Variants in MACROD2 observed in about 807,000 individuals in gnomAD.
MACROD2 encodes the protein mono-ADP ribosylhydrolase 2, also known as ADP-ribose glycohydrolase MACROD2.
MACROD2 carries 36 observed loss-of-function variants against 70.4 expected under a neutral mutation model. That is an observed-to-expected ratio of 0.51 (90% CI 0.39 to 0.68). The LOEUF (loss-of-function observed/expected upper bound fraction) is 0.68, where lower values mean the gene tolerates loss of function less well. MACROD2 is among the 30% of genes least tolerant of loss of function. MACROD2 has a pLI of 0.00. For missense variants in MACROD2, 496 were observed against 538.4 expected, an observed-to-expected ratio of 0.92 and a Z score of 0.78; for synonymous variants, 172 against 178.8, an observed-to-expected ratio of 0.96 and a Z score of 0.30.
chr20:14,867,688 C>T (rs2073443413), intron 5 of MACROD2, among the ~76,000 whole-genome samples: 1 of 152,104 alleles, frequency 6.6e-6, no homozygotes, highest in Non-Finnish European at 1.5e-5. Context: ...TTTTGGTTGT[C>T]TCCAAGTCCC....
At chr20:14,086,864 A>G (rs925853485) in intron 3 of MACROD2, among the ~76,000 whole-genome samples, 1 of 152,186 alleles carries the variant, frequency 6.6e-6, no homozygotes, top group Non-Finnish European at 1.5e-5. Context: ...ACAAAAGGGT[A>G]GGGGTAATTT....
intron 12 of MACROD2, among the ~76,000 whole-genome samples, chr20:15,963,096 T>C (rs2066086845): frequency 6.6e-6 from 1 of 152,204 alleles, no homozygotes; most frequent in Admixed American, 6.6e-5. Context: ...CCAGAGATTC[T>C]ATAGAGCAGG....
At chr20:14,268,892 C>T (rs964254046) in intron 3 of MACROD2, among the ~76,000 whole-genome samples, 1 of 152,144 alleles carries the variant, frequency 6.6e-6, no homozygotes, top group African/African-American at 2.4e-5. Context: ...GTTCCCATAG[C>T]AGCCTTTACC....
At chr20:14,147,012 T>A (rs1292643761) in intron 3 of MACROD2, among the ~76,000 whole-genome samples, 1 of 152,026 alleles carries the variant, frequency 6.6e-6, no homozygotes, top group African/African-American at 2.4e-5. Flanking sequence ...GGTGAGAGTA[T>A]CTCCAGTCAG....
intron 6 of MACROD2, among the ~76,000 whole-genome samples, chr20:15,286,702 G>T (rs1426879241): frequency 1.3e-5 from 2 of 152,146 alleles, no homozygotes; most frequent in Non-Finnish European, 2.9e-5. Context: ...TTTATTTCTA[G>T]CCAAGAAGAC....
At chr20:14,799,279 AT>A (rs2072546245) in intron 5 of MACROD2, among the ~76,000 whole-genome samples, 1 of 152,062 alleles carries the variant, frequency 6.6e-6, no homozygotes, top group East Asian at 1.9e-4. Flanking sequence ...GCCCTTACTT[AT>A]TAACATTTTA....
At chr20:14,981,551 G>A (rs893519230) in intron 5 of MACROD2, among the ~76,000 whole-genome samples, 7 of 151,928 alleles carry the variant, frequency 4.6e-5, no homozygotes, top group Non-Finnish European at 7.4e-5. Flanking sequence ...TGTTGTGGGA[G>A]AGACCCAGTG....
chr20:15,118,312 C>T lies in MACROD2; in HGVS notation c.419-111628C>T, dbSNP rs187476776. ...GGTTGAAGCGACTCTCCTTCCTCAG[C>T]CTCCTGAGTAGCTAGGACTACAGGC... On this transcript the variant is annotated intron_variant, in intron 5 of 17. Coordinates refer to ENST00000684519, the MANE Select transcript of MACROD2 (RefSeq NM_001351661.2). Among the ~76,000 whole-genome samples the T allele has an allele frequency of 4.6e-5, 7 of 151,894 alleles. No individual in the cohort carries two copies. The East Asian group carries it at 9.7e-4, about 21-fold the overall frequency.
At chr20:15,280,599 G>A (rs2077435241) in intron 6 of MACROD2, among the ~76,000 whole-genome samples, 2 of 152,146 alleles carry the variant, frequency 1.3e-5, no homozygotes, top group Admixed American at 1.3e-4. Context: ...GTACCAGCTG[G>A]GATCCTTTCA....
intron 8 of MACROD2, among the ~76,000 whole-genome samples, chr20:15,546,288 A>T (rs138950965): frequency 2.0e-5 from 3 of 152,280 alleles, no homozygotes; most frequent in South Asian, 2.1e-4. Flanking sequence ...GATAGCTAAC[A>T]CTTCTTGAAC....
chr20:15,037,887 T>C (rs1036654400), intron 5 of MACROD2, among the ~76,000 whole-genome samples: 2 of 152,060 alleles, frequency 1.3e-5, no homozygotes, highest in Non-Finnish European at 2.9e-5. Context: ...GAGAGTATAG[T>C]AAATAATAAT....
chr20:15,043,522 T>C (rs1161198510), intron 5 of MACROD2, among the ~76,000 whole-genome samples: 1 of 152,196 alleles, frequency 6.6e-6, no homozygotes, highest in Non-Finnish European at 1.5e-5. Flanking sequence ...CCTCTCTGAG[T>C]GGCTTCTTTT....
intron 5 of MACROD2, among the ~76,000 whole-genome samples, chr20:14,899,436 T>G (rs2073869913): frequency 6.6e-6 from 1 of 152,148 alleles, no homozygotes; most frequent in South Asian, 2.1e-4. Flanking sequence ...ATTTGTTCCA[T>G]AGCTATCCCC....
rs533356314 is a variant in MACROD2, at chr20:15,143,338, G to T, written c.419-86602G>T. Among the ~76,000 whole-genome samples the T allele has an allele frequency of 6.6e-5, 10 of 152,234 alleles. No individual in the cohort carries two copies. In the East Asian group the frequency reaches 1.5e-3, roughly 24 times the overall value. ...TGAGAAGTGTCTGTTCATATCCTTTGCCCAAGTTTTGATGGGGTTGTTTGA... is the reference window on the plus strand; with the variant it reads ...TGAGAAGTGTCTGTTCATATCCTTTTCCCAAGTTTTGATGGGGTTGTTTGA... On this transcript the variant is annotated intron_variant, in intron 5 of 17. Coordinates refer to ENST00000684519, the MANE Select transcript of MACROD2 (RefSeq NM_001351661.2).
intron 3 of MACROD2, among the ~76,000 whole-genome samples, chr20:14,311,158 C>T (rs1215724623): frequency 6.6e-6 from 1 of 152,202 alleles, no homozygotes; most frequent in African/African-American, 2.4e-5. Flanking sequence ...TCACCACTTA[C>T]TGACTCACCC....
At chr20:14,410,724 T>C (rs2083740604) in intron 3 of MACROD2, among the ~76,000 whole-genome samples, 1 of 152,310 alleles carries the variant, frequency 6.6e-6, no homozygotes, top group East Asian at 1.9e-4. Context: ...CTTAGCAGGA[T>C]TGAGCTCCAG....
chr20:14,120,179 C>T (rs141038616), intron 3 of MACROD2, among the ~76,000 whole-genome samples: 17 of 132,476 alleles, frequency 1.3e-4, no homozygotes, highest in African/African-American at 4.0e-4. Context: ...TGCCACTGCA[C>T]TCTAGCCTGG....
intron 6 of MACROD2, among the ~76,000 whole-genome samples, chr20:15,366,316 C>G (rs1600300774): frequency 6.6e-6 from 1 of 152,264 alleles, no homozygotes; most frequent in East Asian, 1.9e-4. Context: ...TCTGGGCTTT[C>G]TGCTATTAAT....
intron 8 of MACROD2, among the ~76,000 whole-genome samples, chr20:15,711,413 G>A (rs2050624436): frequency 6.6e-6 from 1 of 152,192 alleles, no homozygotes; most frequent in Admixed American, 6.5e-5. Context: ...AGTATATCAA[G>A]AATGATTTCT....
Sources: allele counts gnomAD v4.1 joint callset (sites outside exome capture counted in the v4.1 genomes callset), GRCh38; gene constraint gnomAD v4.1.1; transcripts MANE v1.5; gene names NCBI Gene and HGNC (gene_info 2026-07-23, HGNC 2026-07-21).